PLCE1: variants seen among roughly 807,000 people sequenced by gnomAD.
PLCE1 encodes 1-phosphatidylinositol 4,5-bisphosphate phosphodiesterase epsilon-1.
Under a neutral mutation model 242.8 loss-of-function variants are expected in PLCE1, and 119 were observed. The observed-to-expected ratio is 0.49, with a 90% CI of 0.42 to 0.57. The LOEUF (loss-of-function observed/expected upper bound fraction) is 0.57. Among genes scored for constraint, PLCE1 ranks in the 20% least tolerant of loss-of-function variants. PLCE1 has a pLI of 0.00. For missense variants in PLCE1, 2,441 were observed against 2,788.8 expected, an observed-to-expected ratio of 0.88 and a Z score of 2.81; for synonymous variants, 945 against 1,017.4, an observed-to-expected ratio of 0.93 and a Z score of 1.35.
intron 3 of PLCE1, among the ~76,000 whole-genome samples, chr10:94,159,749 C>T (rs2047549229): frequency 6.6e-6 from 1 of 152,086 alleles, no homozygotes; most frequent in African/African-American, 2.4e-5. Context: ...GGTATATCTC[C>T]TAATGCTATC....
Position 94,061,855 on chromosome 10 carries a change from C to T in PLCE1, c.1206+29603C>T, listed in dbSNP as rs993544180. Among the ~76,000 whole-genome samples the T allele has an allele frequency of 2.6e-5, 4 of 152,176 alleles. No individual in the cohort carries two copies. The East Asian group carries it at 5.8e-4, about 22-fold the overall frequency. ...TGCTGTTACATGCCTCTTATAACAC[C>T]ATTTGGAGGGACAGCTCATGGGAGG... is the stretch of plus-strand genomic sequence containing the variant. On this transcript the variant is annotated intron_variant, in intron 2 of 32. Transcript: ENST00000371380.
intron 7 of PLCE1, among the ~76,000 whole-genome samples, chr10:94,239,480 C>A (rs1319400318): frequency 6.6e-6 from 1 of 152,218 alleles, no homozygotes; most frequent in Non-Finnish European, 1.5e-5. Context: ...TGAGGCCTCC[C>A]CAGCCATGCT....
At position 94,270,935 on chromosome 10, in the gene PLCE1, A is replaced by G. The variant is rs3740362; in HGVS notation, c.4506+333A>G. Among the ~76,000 whole-genome samples, 55,485 of 151,930 alleles carry G rather than the reference A, an allele frequency of 0.37. 10,550 individuals carry two copies. Among genetic ancestry groups the G allele is most frequent in the African/African-American group, 0.47 (19,648 of 41,394 alleles). On this transcript the variant is annotated intron_variant, in intron 18 of 32. Transcript: ENST00000371380. ...TCCACCCATCTCGGCCTCCCAAAGTACTGGGATTATAGGCGTGAGACACTG... is the reference window on the plus strand; with the variant it reads ...TCCACCCATCTCGGCCTCCCAAAGTGCTGGGATTATAGGCGTGAGACACTG...
intron 2 of PLCE1, among the ~76,000 whole-genome samples, chr10:94,113,150 T>C (rs2046007173): frequency 6.6e-6 from 1 of 151,990 alleles, no homozygotes; most frequent in Non-Finnish European, 1.5e-5. Flanking sequence ...GAGACTTAAC[T>C]TGGAGGTGAA....
intron 2 of PLCE1, among the ~76,000 whole-genome samples, chr10:94,049,599 GTCTC>G (rs547011018): frequency 6.6e-6 from 1 of 150,604 alleles, no homozygotes; most frequent in East Asian, 1.9e-4. Context: ...CTGTCTGTCT[GTCTC>G]TCTCTCTCTC....
In PLCE1 at chr10:94,331,554, GCAGGGAAAGTGCTCT is replaced by G. The variant is rs1184772203; in HGVS notation, c.*3614_*3628del. On this transcript the variant is annotated 3_prime_UTR_variant, in exon 33 of 33. Transcript: ENST00000371380. ...GTCTTTGATCTTACATTGGCAGCCT[GCAGGGAAAGTGCTCT>G]CATGGTGAAAGTCTCTGACCCCTTT... 2 of 152,204 alleles carry G rather than the reference GCAGGGAAAGTGCTCT, an allele frequency of 1.3e-5. No individual in the cohort carries two copies. Among genetic ancestry groups the G allele is most frequent in the African/African-American group, 4.8e-5 (2 of 41,450 alleles). 9.4% of individuals were successfully genotyped at this position (152,204 alleles called of 1,614,324 possible).
At chr10:94,178,092 C>T (rs539262728) in intron 4 of PLCE1, among the ~76,000 whole-genome samples, 4 of 152,152 alleles carry the variant, frequency 2.6e-5, no homozygotes, top group East Asian at 3.9e-4. Context: ...TCCTTGGGAT[C>T]GATCACACAA....
chr10:94,031,329 A>T lies in PLCE1; in HGVS notation c.283A>T (p.Met95Leu). Reference sequence around the variant, plus strand: ...TAATGAAAAATGTTGGGAGAAAATCATGCCAGATTCTGCGAAAAACCTTAA... The same window carrying T: ...TAATGAAAAATGTTGGGAGAAAATCTTGCCAGATTCTGCGAAAAACCTTAA... ...NSNEKCWEKI[M>L]PDSAKNLNIN... Residue 95 changes from methionine to leucine, a missense_variant, in exon 2 of 33, where the codon ATG becomes TTG. Transcript: ENST00000371380. 1 of 1,613,926 alleles carries T rather than the reference A, an allele frequency of 6.2e-7. No individual in the cohort carries two copies. The highest frequency in any genetic ancestry group is 8.5e-7 in the Non-Finnish European group (1 of 1,179,882).
At chr10:94,322,423 G>A (rs529462905) in intron 30 of PLCE1, among the ~76,000 whole-genome samples, 50 of 152,112 alleles carry the variant, frequency 3.3e-4, no homozygotes, top group African/African-American at 1.2e-3. Context: ...GGCTGAGGGG[G>A]GCAGATCACT....
chr10:94,145,840 A>G (rs2047096044), intron 3 of PLCE1, among the ~76,000 whole-genome samples: 1 of 152,100 alleles, frequency 6.6e-6, no homozygotes, highest in Non-Finnish European at 1.5e-5. Flanking sequence ...TGGGACAAAA[A>G]GGAGAAGGGC....
At position 94,212,491 on chromosome 10, in the gene PLCE1, T is replaced by C. The variant is rs189677878; in HGVS notation, c.1810-14815T>C. Among the ~76,000 whole-genome samples the C allele has an allele frequency of 6.9e-3, 1,049 of 152,196 alleles. 15 individuals are homozygous for C. The highest frequency in any genetic ancestry group is 0.024 in the African/African-American group (998 of 41,554). ...CAGGATGGTCTTGATCTCCTGACCT[T>C]GTGATCCACCCTCCTTGGCCTCCCA... is the stretch of plus-strand genomic sequence containing the variant. On this transcript the variant is annotated intron_variant, in intron 4 of 32. Coordinates refer to ENST00000371380, the MANE Select transcript of PLCE1 (RefSeq NM_016341.4).
chr10:94,315,458 T>C (rs2053534125), intron 28 of PLCE1: 1 of 455,984 alleles, frequency 2.2e-6, no homozygotes, highest in Admixed American at 2.4e-5. Flanking sequence ...CAGCCTTTTG[T>C]AGTAACCTGT....
intron 4 of PLCE1, among the ~76,000 whole-genome samples, chr10:94,190,236 C>T (rs147839911): frequency 6.4e-4 from 97 of 152,228 alleles, no homozygotes; most frequent in African/African-American, 2.0e-3. Flanking sequence ...GCCAAGATGG[C>T]GCTACTGTAC....
At chr10:94,232,763 C>T (rs1397438388) in intron 5 of PLCE1, among the ~76,000 whole-genome samples, 1 of 152,146 alleles carries the variant, frequency 6.6e-6, no homozygotes, top group Non-Finnish European at 1.5e-5. Flanking sequence ...GCACAGTATC[C>T]CCTCCTGACT....
chr10:94,051,349 G>A (rs1196479110), intron 2 of PLCE1, among the ~76,000 whole-genome samples: 6 of 133,904 alleles, frequency 4.5e-5, no homozygotes, highest in Admixed American at 4.5e-4. Flanking sequence ...GGAAATTGCA[G>A]AAGAGATTTG....
intron 1 of PLCE1, among the ~76,000 whole-genome samples, chr10:94,001,407 C>T (rs2060927996): frequency 6.6e-6 from 1 of 152,166 alleles, no homozygotes; most frequent in Non-Finnish European, 1.5e-5. Context: ...TAACAAAACT[C>T]AGCTAGCATT....
chr10:94,161,084 A>C (rs573769956), intron 3 of PLCE1, among the ~76,000 whole-genome samples: 11 of 152,332 alleles, frequency 7.2e-5, no homozygotes, highest in Non-Finnish European at 1.0e-4. Context: ...TGACTTGGCA[A>C]TGTGGGCTCT....
intron 1 of PLCE1, among the ~76,000 whole-genome samples, chr10:94,008,518 A>G (rs1051476700): frequency 3.3e-5 from 5 of 152,174 alleles, no homozygotes; most frequent in Non-Finnish European, 7.3e-5. Context: ...TACATTGGCC[A>G]GGCTGGTCTC....
chr10:94,031,711 G>A lies in PLCE1; in HGVS notation c.665G>A (p.Gly222Asp), dbSNP rs1194626059. 1 of 1,613,840 alleles carries A rather than the reference G, an allele frequency of 6.2e-7. No homozygotes were observed. Among genetic ancestry groups the A allele is most frequent in the Non-Finnish European group, 8.5e-7 (1 of 1,179,872 alleles). The change falls in exon 2 of 33, where the codon GGT (glycine) becomes GAT (aspartate). Residue 222 changes from glycine to aspartate, a missense_variant. Coordinates refer to ENST00000371380, the MANE Select transcript of PLCE1 (RefSeq NM_016341.4). ...GGAAATTGTGTACCACTACCTGGGG[G>A]TGAGGAGAAGCAAAAGAAAAACTAT... ...DCGNCVPLPG[G>D]EEKQKKNYVA...
Sources: allele counts gnomAD v4.1 joint callset (sites outside exome capture counted in the v4.1 genomes callset), GRCh38; gene constraint gnomAD v4.1.1; transcripts MANE v1.5; gene names NCBI Gene and HGNC (gene_info 2026-07-23, HGNC 2026-07-21).